PCDHGA7: variants seen among roughly 807,000 people sequenced by gnomAD.
PCDHGA7 encodes protocadherin gamma-A7.
In PCDHGA7, 44 loss-of-function variants were observed where a neutral mutation model predicts 58.3. That is an observed-to-expected ratio of 0.75 (90% CI 0.59 to 0.97). PCDHGA7 has a LOEUF of 0.97. Among genes scored for constraint, PCDHGA7 ranks in the 50% least tolerant of loss-of-function variants. The probability of loss-of-function intolerance (pLI) is 0.00; values close to 1 mark genes in which losing one functional copy is unlikely to be tolerated. For synonymous variants in PCDHGA7, 516 were observed against 504.2 expected (o/e 1.02, Z -0.31); for missense variants, 1,266 against 1,188.7 (o/e 1.06, Z -0.96).
intron 1 of PCDHGA7, chr5:141,402,812 C>T: frequency 8.0e-7 from 1 of 1,243,800 alleles, no homozygotes; most frequent in East Asian, 2.6e-5. Flanking sequence ...GCAGATACCA[C>T]AAACCTGCTC....
chr5:141,494,115 GC>G (rs1445167222), intron 1 of PCDHGA7, among the ~76,000 whole-genome samples: 1 of 152,186 alleles, frequency 6.6e-6, no homozygotes, highest in African/African-American at 2.4e-5. Context: ...AGACAGAGCA[GC>G]CTTGTTCTCT....
Position 141,491,000 on chromosome 5 carries a change from C to T in PCDHGA7, c.2425-3807C>T. 6.2e-7 allele frequency: 1 copy of T among 1,614,142 alleles called. No homozygotes were observed. The highest frequency in any genetic ancestry group is 1.1e-5 in the South Asian group (1 of 91,086). On this transcript the variant is annotated intron_variant, in intron 1 of 3. Transcript: ENST00000518325. The surrounding 1 kb of genome is among the most constrained non-coding windows in gnomAD (Gnocchi z 5.4). ...CTCCCTCGCTCTGCTCCTCCTGGCTCCTTGGTCACCAAGGTGACAGCCGTG... is the reference window on the plus strand; with the variant it reads ...CTCCCTCGCTCTGCTCCTCCTGGCTTCTTGGTCACCAAGGTGACAGCCGTG...
chr5:141,473,479 G>A (rs1417960508), intron 1 of PCDHGA7, among the ~76,000 whole-genome samples: 1 of 152,118 alleles, frequency 6.6e-6, no homozygotes, highest in Non-Finnish European at 1.5e-5. Flanking sequence ...AAGTTCAATG[G>A]AAAAAATATA....
chr5:141,454,575 T>G (rs1430018751), intron 1 of PCDHGA7, among the ~76,000 whole-genome samples: 1 of 151,400 alleles, frequency 6.6e-6, no homozygotes, highest in African/African-American at 2.4e-5. Context: ...CCCGGCTAAT[T>G]TTGTATTTTT....
chr5:141,400,923 T>C (rs1453975530), intron 1 of PCDHGA7, among the ~76,000 whole-genome samples: 1 of 152,260 alleles, frequency 6.6e-6, no homozygotes, highest in Admixed American at 6.5e-5. Flanking sequence ...AAGAAACTGC[T>C]AGTAGATGTC....
rs1049831420 is a variant in PCDHGA7 at position 141,486,549 on chromosome 5, C to T, written c.2425-8258C>T. ...AATCCACCCTCTTTCTTTCAGAGGTCACATGAGGTGTTTGTTCCTGAGAAC... is the reference window on the plus strand; with the variant it reads ...AATCCACCCTCTTTCTTTCAGAGGTTACATGAGGTGTTTGTTCCTGAGAAC... On this transcript the variant is annotated intron_variant, in intron 1 of 3. Coordinates refer to ENST00000518325, the MANE Select transcript of PCDHGA7 (RefSeq NM_018920.4). This position sits in a 1 kb window ranked among gnomAD's most constrained non-coding sequence, Gnocchi z 5.0. The T allele has an allele frequency of 3.1e-6, 5 of 1,613,982 alleles. No individual in the cohort carries two copies. In the African/African-American group the frequency reaches 4.0e-5, roughly 13 times the overall value.
At chr5:141,406,043 A>G (rs1346440934) in intron 1 of PCDHGA7, among the ~76,000 whole-genome samples, 3 of 150,174 alleles carry the variant, frequency 2.0e-5, no homozygotes, top group East Asian at 3.9e-4. Context: ...CATTGGTTGC[A>G]GTGGACTCAT....
At chr5:141,510,754 C>G (rs1407911674) in intron 3 of PCDHGA7, among the ~76,000 whole-genome samples, 193 bp from the exon 4 acceptor site, 3 of 152,168 alleles carry the variant, frequency 2.0e-5, no homozygotes, top group African/African-American at 7.2e-5. Flanking sequence ...GACTTTCTCA[C>G]TCCAGAGCCT....
chr5:141,409,953 CCGG>C (rs1418234891), intron 1 of PCDHGA7: 2 of 1,613,280 alleles, frequency 1.2e-6, no homozygotes, highest in Non-Finnish European at 1.7e-6. Flanking sequence ...TCTGCAGAGC[CCGG>C]CTACCTAGTG....
Position 141,387,890 on chromosome 5 carries a change from G to A in PCDHGA7, c.2424+2567G>A, listed in dbSNP as rs541321171. On this transcript the variant is annotated intron_variant, in intron 1 of 3. Coordinates refer to ENST00000518325, the MANE Select transcript of PCDHGA7 (RefSeq NM_018920.4). ...AGCTGAGGAGAGCAAGAGGGATGGG[G>A]AGCGGCGCCGGGGAGCTGGGCCGGG... The A allele has an allele frequency of 1.9e-6, 3 of 1,554,976 alleles. No homozygotes were observed. The South Asian group carries it at 3.7e-5, about 19-fold the overall frequency.
In PCDHGA7 at chr5:141,511,360, T is replaced by C; in HGVS notation, c.*187T>C. The C allele has an allele frequency of 7.5e-7, 1 of 1,333,050 alleles. No individual in the cohort carries two copies. Among genetic ancestry groups the C allele is most frequent in the Non-Finnish European group, 1.0e-6 (1 of 994,882 alleles). 82.6% of individuals were successfully genotyped at this position (1,333,050 alleles called of 1,614,324 possible). On this transcript the variant is annotated 3_prime_UTR_variant, in exon 4 of 4. Transcript: ENST00000518325. ...ACCTACCCCTTCCCCCCCAGGGGGT[T>C]GAATATGCAAAAGCAGTTCCGCTGG...
intron 1 of PCDHGA7, chr5:141,413,350 G>A: frequency 6.2e-7 from 1 of 1,613,974 alleles, no homozygotes; most frequent in Non-Finnish European, 8.5e-7. Context: ...CTTGGGTCTG[G>A]CGCCCCGGGA....
Position 141,477,780 on chromosome 5 carries a change from T to C in PCDHGA7, c.2425-17027T>C. On this transcript the variant is annotated intron_variant, in intron 1 of 3. Coordinates refer to ENST00000518325, the MANE Select transcript of PCDHGA7 (RefSeq NM_018920.4). The surrounding 1 kb of genome is among the most constrained non-coding windows in gnomAD (Gnocchi z 4.9). ...CTAGCCACCAACATCAGCGTGAACA[T>C]ATTTGTCACTGATCGCAATGACAAT... 6.2e-7 allele frequency: 1 copy of C among 1,614,048 alleles called. No homozygotes were observed. Among genetic ancestry groups the C allele is most frequent in the Non-Finnish European group, 8.5e-7 (1 of 1,180,030 alleles).
At chr5:141,505,353 G>A (rs376781305) in intron 2 of PCDHGA7, 40 bp from the exon 3 acceptor site, 51 of 1,613,426 alleles carry the variant, frequency 3.2e-5, no homozygotes, top group East Asian at 2.7e-4. Flanking sequence ...GAGCTGTGCC[G>A]GCCTGGGAGT....
At chr5:141,385,369 G>T in intron 1 of PCDHGA7, 46 bp downstream of exon 1, 1 of 1,532,174 alleles carries the variant, frequency 6.5e-7, no homozygotes, top group Admixed American at 2.2e-5. Context: ...TTATTTGCAT[G>T]ATATTTCTCT....
rs899564761 is a variant in PCDHGA7, at chr5:141,385,190, G to A, written c.2291G>A (p.Arg764Gln). ...SHEVSLTADS[R>Q]KSHLIFPQPN... ...GAGGTCTCCCTCACCGCGGACTCTC[G>A]GAAGAGTCACCTGATCTTCCCCCAG... Residue 764 changes from arginine (R) to glutamine (Q), a missense_variant, in exon 1 of 4, where the codon CGG (arginine) becomes CAG (glutamine). Physicochemically the swap from Arg to Gln is conservative, Grantham distance 43. Transcript: ENST00000518325. The A allele has an allele frequency of 3.1e-6, 5 of 1,614,048 alleles. No individual in the cohort carries two copies. Among genetic ancestry groups the A allele is most frequent in the African/African-American group, 1.3e-5 (1 of 74,916 alleles).
intron 1 of PCDHGA7, among the ~76,000 whole-genome samples, chr5:141,469,206 A>T (rs752389937): frequency 6.6e-6 from 1 of 150,920 alleles, no homozygotes; most frequent in African/African-American, 2.4e-5. Flanking sequence ...AGCCTTTTGA[A>T]GTTGAGGCTT....
chr5:141,464,343 A>C (rs944042669), intron 1 of PCDHGA7, among the ~76,000 whole-genome samples: 7 of 151,212 alleles, frequency 4.6e-5, no homozygotes, highest in African/African-American at 1.5e-4. Context: ...ATGACTTGTC[A>C]TTTAGGTAGT....
chr5:141,403,754 G>A (rs2094451238), intron 1 of PCDHGA7: 1 of 1,613,768 alleles, frequency 6.2e-7, no homozygotes, highest in African/African-American at 1.3e-5. Flanking sequence ...AACAGCCAGC[G>A]ACCTGGATGA....
Sources: gnomAD v4.1 joint callset for allele counts (sites outside exome capture counted in the v4.1 genomes callset) on GRCh38, gnomAD v4.1.1 for gene constraint, Gnocchi (gnomAD v3.1) non-coding constraint, MANE v1.5 for transcripts, NCBI Gene and HGNC (gene_info 2026-07-23, HGNC 2026-07-21) for gene names.